Variants in JHY observed in about 807,000 individuals in gnomAD.
JHY encodes junctional cadherin complex regulator.
A neutral mutation model predicts 78.0 loss-of-function variants in JHY; 69 were observed. The observed-to-expected ratio is 0.88, with a 90% confidence interval of 0.73 to 1.08. The LOEUF (loss-of-function observed/expected upper bound fraction) is 1.08, where lower values mean the gene tolerates loss of function less well. Among genes scored for constraint, JHY ranks in the 50% least tolerant of loss-of-function variants. The probability of loss-of-function intolerance (pLI) is 0.00; values close to 1 mark genes in which losing one functional copy is unlikely to be tolerated. For synonymous variants in JHY, 368 were observed against 342.6 expected (o/e 1.07, Z -0.82); for missense variants, 944 against 927.8 (o/e 1.02, Z -0.23).
Position 122,935,173 on chromosome 11 carries a change from T to C in JHY, c.1634+98T>C. On this transcript the variant is annotated intron_variant, in intron 5 of 8. Transcript: ENST00000227349. This position sits in a 1 kb window ranked among gnomAD's most constrained non-coding sequence, Gnocchi z 4.5. ...AGAAGGGGAAGGGGAATCCATAAGG[T>C]GGCTAGGTGAGAAGAAGAGTTCACC... 8.8e-7 allele frequency: 1 copy of C among 1,140,128 alleles called. No homozygotes were observed. The highest frequency in any genetic ancestry group is 2.5e-5 in the East Asian group (1 of 39,560). The allele number at this position is 1,140,128 out of a possible 1,614,324, so 70.6% of individuals were successfully genotyped here.
Position 122,883,077 on chromosome 11 carries a change from C to G in JHY, c.-90+105C>G, listed in dbSNP as rs1324051298. The G allele has an allele frequency of 1.3e-5, 2 of 152,842 alleles. No homozygotes were observed. The highest frequency in any genetic ancestry group is 2.4e-5 in the African/African-American group (1 of 41,424). The allele number at this position is 152,842 out of a possible 1,614,324, so 9.5% of individuals were successfully genotyped here. A position where few individuals can be genotyped will look rare whatever the true frequency, so the allele number is the denominator to read the frequency against. ...GACGGCAGGAAACCACCCAAGCAAG[C>G]TGGGGAGGAGCCGGCGCGGGAGCCT... On this transcript the variant is annotated intron_variant, in intron 1 of 8. Coordinates refer to ENST00000227349, the MANE Select transcript of JHY (RefSeq NM_024806.4). This position sits in a 1 kb window ranked among gnomAD's most constrained non-coding sequence, Gnocchi z 4.4.
intron 1 of JHY, 127 bp from the exon 2 acceptor site, chr11:122,885,634 A>G: frequency 1.9e-6 from 1 of 519,956 alleles, no homozygotes; most frequent in Non-Finnish European, 3.4e-6. Context: ...TTATACACAC[A>G]AAAGGGTGCA....
In JHY at chr11:122,961,206, A is replaced by C. The variant is rs187780378; in HGVS notation, c.*1761A>C. Reference sequence around the variant, plus strand: ...TGAAGTAGATAGTTTATATCTCCTAAAAATGAAACATTTGTTCCCTATACT... The same window carrying C: ...TGAAGTAGATAGTTTATATCTCCTACAAATGAAACATTTGTTCCCTATACT... On this transcript the variant is annotated 3_prime_UTR_variant, in exon 9 of 9. Transcript: ENST00000227349. 3 of 473,698 alleles carry C rather than the reference A, an allele frequency of 6.3e-6. No homozygotes were observed. In the East Asian group the frequency reaches 1.1e-4, roughly 18 times the overall value. 29.3% of individuals were successfully genotyped at this position (473,698 alleles called of 1,614,324 possible).
chr11:122,929,368 C>A (rs1474350655), intron 4 of JHY, among the ~76,000 whole-genome samples: 3 of 151,702 alleles, frequency 2.0e-5, no homozygotes, highest in Admixed American at 6.6e-5. Flanking sequence ...AAAAGAGCAA[C>A]TAATTCTGCC....
chr11:122,907,642 C>T (rs917567192), intron 3 of JHY, among the ~76,000 whole-genome samples: 2 of 151,818 alleles, frequency 1.3e-5, no homozygotes, highest in Non-Finnish European at 2.9e-5. Flanking sequence ...GTTGGGAGTT[C>T]GAGACCAGCC....
intron 2 of JHY, among the ~76,000 whole-genome samples, chr11:122,892,364 C>T (rs986013397): frequency 3.3e-5 from 5 of 151,344 alleles, no homozygotes; most frequent in African/African-American, 1.2e-4. Context: ...GCATTGTCAC[C>T]CAGGCTAGAG....
intron 1 of JHY, among the ~76,000 whole-genome samples, chr11:122,884,731 T>C (rs1033164002): frequency 2.6e-5 from 4 of 152,214 alleles, no homozygotes; most frequent in Non-Finnish European, 4.4e-5. Flanking sequence ...TTCGGTAATG[T>C]AGACCTCCAG....
intron 4 of JHY, among the ~76,000 whole-genome samples, chr11:122,925,299 A>G (rs1167363827): frequency 6.6e-6 from 1 of 152,214 alleles, no homozygotes; most frequent in Non-Finnish European, 1.5e-5. Flanking sequence ...AAAGACATGC[A>G]GGAAAAATCA....
chr11:122,936,104 C>A (rs1307490690), intron 5 of JHY, among the ~76,000 whole-genome samples: 1 of 152,186 alleles, frequency 6.6e-6, no homozygotes, highest in Non-Finnish European at 1.5e-5. Context: ...AGATGTATAA[C>A]TTCTATAAAC....
intron 3 of JHY, among the ~76,000 whole-genome samples, chr11:122,919,084 G>GGGTCAC (rs1186714693): frequency 1.3e-5 from 2 of 152,106 alleles, no homozygotes; most frequent in African/African-American, 4.8e-5. Context: ...CAGGCACAGT[G>GGGTCAC]GGTCACGCCT....
intron 1 of JHY, 33 bp from the exon 2 acceptor site, chr11:122,885,728 G>T: frequency 1.4e-6 from 1 of 703,596 alleles, no homozygotes; most frequent in Non-Finnish European, 2.3e-6. Flanking sequence ...GATTTTAGTG[G>T]TCGCAGAGTA....
At chr11:122,927,420 A>T (rs1863531009) in intron 4 of JHY, among the ~76,000 whole-genome samples, 1 of 152,180 alleles carries the variant, frequency 6.6e-6, no homozygotes, top group South Asian at 2.1e-4. Flanking sequence ...GGCCTAAGGG[A>T]TGTTTCCCAT....
At chr11:122,943,103 C>T (rs970185502) in intron 5 of JHY, among the ~76,000 whole-genome samples, 26 of 152,132 alleles carry the variant, frequency 1.7e-4, no homozygotes, top group Admixed American at 1.4e-3. Context: ...TTAAACTCCT[C>T]GGCTCAAGCC....
At chr11:122,892,516 G>A (rs1260633346) in intron 2 of JHY, among the ~76,000 whole-genome samples, 1 of 152,014 alleles carries the variant, frequency 6.6e-6, no homozygotes, top group Non-Finnish European at 1.5e-5. Context: ...TAGAGACAGG[G>A]TTTCACCGTG....
At chr11:122,949,547 TGA>T (rs1864041794) in intron 6 of JHY, among the ~76,000 whole-genome samples, 1 of 152,146 alleles carries the variant, frequency 6.6e-6, no homozygotes, top group Non-Finnish European at 1.5e-5. Flanking sequence ...GTCTTGGGGC[TGA>T]GATATGACCC....
rs1864331056 is a variant in JHY, at chr11:122,962,253, C to G, written c.*2808C>G. ...ATCCAGAAGTGGATAATTTGAACAT[C>G]AATTTGGGGAAAATCTGTTTATCTA... On this transcript the variant is annotated 3_prime_UTR_variant, in exon 9 of 9. Transcript: ENST00000227349. Among the ~76,000 whole-genome samples, 1 of 152,086 alleles carries G rather than the reference C, an allele frequency of 6.6e-6. No individual in the cohort carries two copies. Among genetic ancestry groups the G allele is most frequent in the Non-Finnish European group, 1.5e-5 (1 of 68,016 alleles).
At chr11:122,923,973 G>A (rs912830274) in intron 3 of JHY, among the ~76,000 whole-genome samples, 5 of 143,004 alleles carry the variant, frequency 3.5e-5, no homozygotes, top group African/African-American at 7.9e-5. Flanking sequence ...TCCTGCCCTC[G>A]TGATCCACCC....
In JHY at chr11:122,956,495, GA is replaced by G; in HGVS notation, c.1931del (p.Asn644ThrfsTer4). On this transcript the variant is annotated frameshift_variant and splice_region_variant, in exon 7 of 9. Transcript: ENST00000227349. LOFTEE classifies it high-confidence loss of function. Reference sequence around the variant, plus strand: ...AACTGTTTCTGTGGTTGTATTTTTAGAACACCAAGCTGAAAGGTTATCAGAA... The same window carrying G: ...AACTGTTTCTGTGGTTGTATTTTTAGACACCAAGCTGAAAGGTTATCAGAA... ...KKHKKRSSSKNTKLKGYQKRD... is the reference protein window; with the variant it reads ...KKHKKRSSSKXTKLKGYQKRD... 11 of 1,612,944 alleles carry G rather than the reference GA, an allele frequency of 6.8e-6. No individual in the cohort carries two copies. Among genetic ancestry groups the G allele is most frequent in the Non-Finnish European group, 9.3e-6 (11 of 1,179,318 alleles).
At chr11:122,919,402 T>C (rs1215919628) in intron 3 of JHY, among the ~76,000 whole-genome samples, 1 of 131,430 alleles carries the variant, frequency 7.6e-6, no homozygotes, top group African/African-American at 2.8e-5. Context: ...AGAAATTCCC[T>C]AAACAAGTGA....
Sources: gnomAD v4.1 joint callset for allele counts (sites outside exome capture counted in the v4.1 genomes callset) on GRCh38, gnomAD v4.1.1 for gene constraint, Gnocchi (gnomAD v3.1) non-coding constraint, MANE v1.5 for transcripts, NCBI Gene and HGNC (gene_info 2026-07-23, HGNC 2026-07-21) for gene names.